Variants in TAS2R4 observed in about 807,000 individuals in gnomAD.
The protein encoded by TAS2R4 is taste 2 receptor member 4, also known as taste receptor type 2 member 4.
Under a neutral mutation model 14.3 loss-of-function variants are expected in TAS2R4, and 18 were observed. That is an observed-to-expected ratio of 1.26 (90% CI 0.87 to 1.86). The LOEUF (loss-of-function observed/expected upper bound fraction) is 1.86, where lower values mean the gene tolerates loss of function less well. TAS2R4 is among the 40% of genes most tolerant of loss of function. TAS2R4 has a pLI of 0.00. For synonymous variants in TAS2R4, 130 were observed against 138.5 expected (o/e 0.94, Z 0.43); for missense variants, 306 against 342.7 (o/e 0.89, Z 0.85).
rs1235912134 is a variant in TAS2R4, at chr7:141,781,275, T to G, written c.*1887T>G. 6.6e-6 allele frequency among the ~76,000 whole-genome samples: 1 copy of G among 152,152 alleles called. No individual in the cohort carries two copies. The highest frequency in any genetic ancestry group is 1.9e-4 in the East Asian group (1 of 5,190). ...TGAATGCTTGGGATAGTGAAGTAAT[T>G]CTCCATCCTAGAGCTGGCTCCATGG... On this transcript the variant is annotated 3_prime_UTR_variant, in exon 1 of 1. Transcript: ENST00000247881.
Position 141,779,275 on chromosome 7 carries a change from T to A in TAS2R4, c.787T>A (p.Ser263Thr). The A allele has an allele frequency of 6.2e-7, 1 of 1,614,196 alleles. No homozygotes were observed. The highest frequency in any genetic ancestry group is 1.7e-5 in the Admixed American group (1 of 60,032). Residue 263 changes from serine to threonine, a missense_variant, in exon 1 of 1, where the codon TCC becomes ACC. Ser to Thr is a moderately conservative substitution (Grantham distance 58). Coordinates refer to ENST00000247881, the MANE Select transcript of TAS2R4 (RefSeq NM_016944.2). ...TGCAGGGATGGATATGGGGACCAAA[T>A]CCATTTGTCTGATTTTTGCCACCCT... ...FYAGMDMGTK[S>T]ICLIFATLYS...
chr7:141,779,282 G>T lies in TAS2R4; in HGVS notation c.794G>T (p.Cys265Phe). ...AGMDMGTKSI[C>F]LIFATLYSPG... ...ATGGATATGGGGACCAAATCCATTT[G>T]TCTGATTTTTGCCACCCTTTACTCT... Residue 265 changes from cysteine (C) to phenylalanine (F), a missense_variant, in exon 1 of 1, where the codon TGT becomes TTT. Cys to Phe is a radical substitution (Grantham distance 205). Coordinates refer to ENST00000247881, the MANE Select transcript of TAS2R4 (RefSeq NM_016944.2). 9 of 1,614,126 alleles carry T rather than the reference G, an allele frequency of 5.6e-6. No individual in the cohort carries two copies. The highest frequency in any genetic ancestry group is 7.6e-6 in the Non-Finnish European group (9 of 1,180,008).
chr7:141,779,551 T>G lies in TAS2R4; in HGVS notation c.*163T>G. On this transcript the variant is annotated 3_prime_UTR_variant, in exon 1 of 1. Transcript: ENST00000247881. Reference sequence around the variant, plus strand: ...TTCAGTTCATTCTGTAATTTTTTTTTTTTGGTATGTAAGTATTTTAAAATA... The same window carrying G: ...TTCAGTTCATTCTGTAATTTTTTTTGTTTGGTATGTAAGTATTTTAAAATA... The G allele has an allele frequency of 1.4e-6, 1 of 708,374 alleles. No individual in the cohort carries two copies. The highest frequency in any genetic ancestry group is 2.1e-6 in the Non-Finnish European group (1 of 466,192). 43.9% of individuals were successfully genotyped at this position (708,374 alleles called of 1,614,324 possible).
Position 141,779,250 on chromosome 7 carries a change from T to G in TAS2R4, c.762T>G (p.Tyr254Ter). Residue 254 changes from tyrosine (Y) to a stop codon, truncating the protein, a stop_gained, in exon 1 of 1, where the codon TAT (tyrosine) becomes TAG (stop). Coordinates refer to ENST00000247881, the MANE Select transcript of TAS2R4 (RefSeq NM_016944.2). LOFTEE classifies it high-confidence loss of function. ...VATLVQYLPFYAGMDMGTKSI... is the reference protein window; with the variant it reads ...VATLVQYLPF Reference sequence around the variant, plus strand: ...CCCTGGTCCAGTATCTCCCCTTTTATGCAGGGATGGATATGGGGACCAAAT... The same window carrying G: ...CCCTGGTCCAGTATCTCCCCTTTTAGGCAGGGATGGATATGGGGACCAAAT... The G allele has an allele frequency of 6.2e-7, 1 of 1,614,230 alleles. No homozygotes were observed. The highest frequency in any genetic ancestry group is 8.5e-7 in the Non-Finnish European group (1 of 1,180,040).
chr7:141,778,589 C>T lies in TAS2R4; in HGVS notation c.101C>T (p.Thr34Ile). ...TTTATTACAGTGGTCAATTGCAAAA[C>T]TTGGGTCAAAAGCCATAGAATCTCC... ...NLFITVVNCKTWVKSHRISSS... is the reference protein window; with the variant it reads ...NLFITVVNCKIWVKSHRISSS... Residue 34 changes from threonine (T) to isoleucine (I), a missense_variant, in exon 1 of 1, where the codon ACT becomes ATT. Transcript: ENST00000247881. 2 of 1,614,176 alleles carry T rather than the reference C, an allele frequency of 1.2e-6. No individual in the cohort carries two copies. Among genetic ancestry groups the T allele is most frequent in the Middle Eastern group, 3.3e-4 (2 of 6,062 alleles).
chr7:141,777,312 C>T lies in TAS2R4; in HGVS notation c.-1177C>T, dbSNP rs1456216909. On this transcript the variant is annotated 5_prime_UTR_variant, in exon 1 of 1. Transcript: ENST00000247881. ...TCTTAAAGGGCCTCATGAATGTATT[C>T]CCCTCTTCTGGACCTGATTATTATT... Among the ~76,000 whole-genome samples the T allele has an allele frequency of 1.3e-5, 2 of 152,134 alleles. No individual in the cohort carries two copies. The highest frequency in any genetic ancestry group is 4.8e-5 in the African/African-American group (2 of 41,442).
chr7:141,781,548 A>T lies in TAS2R4; in HGVS notation c.*2160A>T, dbSNP rs539234561. The stretch of plus-strand genomic sequence containing the variant: ...ATATGACCTACTAAGTGAAATTGAA[A>T]TAAAACCTGTACATGTGGTATAATA... On this transcript the variant is annotated 3_prime_UTR_variant, in exon 1 of 1. Transcript: ENST00000247881. Among the ~76,000 whole-genome samples, 1 of 151,346 alleles carries T rather than the reference A, an allele frequency of 6.6e-6. No homozygotes were observed. Among genetic ancestry groups the T allele is most frequent in the South Asian group, 2.1e-4 (1 of 4,768 alleles).
chr7:141,779,144 A>AT lies in TAS2R4; in HGVS notation c.657dup (p.Pro220SerfsTer67), dbSNP rs769404976. 6.2e-7 allele frequency: 1 copy of AT among 1,614,164 alleles called. No individual in the cohort carries two copies. Among genetic ancestry groups the AT allele is most frequent in the South Asian group, 1.1e-5 (1 of 91,080 alleles). ...CAGAAAAATGCCACTGGTTTCTGGA[A>AT]TCCCCAGACGGAAGCTCATGTAGGT... On this transcript the variant is annotated frameshift_variant, in exon 1 of 1. Coordinates refer to ENST00000247881, the MANE Select transcript of TAS2R4 (RefSeq NM_016944.2). LOFTEE classifies it high-confidence loss of function.
rs143483580 is a variant in TAS2R4, at chr7:141,779,153, C to T, written c.665C>T (p.Thr222Met). ...GCCACTGGTTTCTGGAATCCCCAGA[C>T]GGAAGCTCATGTAGGTGCTATGAAG... ...KNATGFWNPQ[T>M]EAHVGAMKLM... Residue 222 changes from threonine to methionine, a missense_variant, in exon 1 of 1, where the codon ACG (threonine) becomes ATG (methionine). Transcript: ENST00000247881. 1,806 of 1,614,162 alleles carry T rather than the reference C, an allele frequency of 1.1e-3. 3 individuals are homozygous for T. The highest frequency in any genetic ancestry group is 4.0e-3 in the African/African-American group (303 of 75,046).
At position 141,778,599 on chromosome 7, in the gene TAS2R4, A is replaced by C. The variant is rs752416233; in HGVS notation, c.111A>C (p.Lys37Asn). Residue 37 changes from lysine (K) to asparagine (N), a missense_variant, in exon 1 of 1, where the codon AAA becomes AAC. Transcript: ENST00000247881. ...ITVVNCKTWV[K>N]SHRISSSDRI... is the part of the protein sequence containing the mutation. ...TGGTCAATTGCAAAACTTGGGTCAA[A>C]AGCCATAGAATCTCCTCTTCTGATA... 13 of 1,614,216 alleles carry C rather than the reference A, an allele frequency of 8.1e-6. No homozygotes were observed. In the South Asian group the frequency reaches 1.3e-4, roughly 16 times the overall value.
At position 141,779,501 on chromosome 7, in the gene TAS2R4, A is replaced by G; in HGVS notation, c.*113A>G. The G allele has an allele frequency of 9.4e-7, 1 of 1,069,262 alleles. No individual in the cohort carries two copies. The highest frequency in any genetic ancestry group is 1.3e-6 in the Non-Finnish European group (1 of 780,058). 66.2% of individuals were successfully genotyped at this position (1,069,262 alleles called of 1,614,324 possible). A position where few individuals can be genotyped will look rare whatever the true frequency, so the allele number is the denominator to read the frequency against. The stretch of plus-strand genomic sequence containing the variant: ...TCAGTTTTGTGATTGCTGATCTGAC[A>G]TCATAGGCTTTTGAGTGCCTGAATT... On this transcript the variant is annotated 3_prime_UTR_variant, in exon 1 of 1. Coordinates refer to ENST00000247881, the MANE Select transcript of TAS2R4 (RefSeq NM_016944.2).
rs1488778164 is a variant in TAS2R4, at chr7:141,781,671, A to G, written c.*2283A>G. Among the ~76,000 whole-genome samples the G allele has an allele frequency of 6.6e-6, 1 of 152,124 alleles. No individual in the cohort carries two copies. The highest frequency in any genetic ancestry group is 1.5e-5 in the Non-Finnish European group (1 of 68,034). ...ATTATTTTAGGTGGGAGGAATCAATAAATTTTTTTGTGTATTTCAAGTTTT... is the reference window on the plus strand; with the variant it reads ...ATTATTTTAGGTGGGAGGAATCAATGAATTTTTTTGTGTATTTCAAGTTTT... On this transcript the variant is annotated 3_prime_UTR_variant, in exon 1 of 1. Coordinates refer to ENST00000247881, the MANE Select transcript of TAS2R4 (RefSeq NM_016944.2).
In TAS2R4 at chr7:141,780,933, G is replaced by C. The variant is rs1204622279; in HGVS notation, c.*1545G>C. On this transcript the variant is annotated 3_prime_UTR_variant, in exon 1 of 1. Coordinates refer to ENST00000247881, the MANE Select transcript of TAS2R4 (RefSeq NM_016944.2). The stretch of plus-strand genomic sequence containing the variant: ...AGGTATTCATCATGTTAAATCCTAA[G>C]AGAGATAAAAGGATTACTGAGAGTG... 1 of 151,494 alleles carries C rather than the reference G, an allele frequency of 6.6e-6. No individual in the cohort carries two copies. Among genetic ancestry groups the C allele is most frequent in the Non-Finnish European group, 1.5e-5 (1 of 67,942 alleles). 9.4% of individuals were successfully genotyped at this position (151,494 alleles called of 1,614,324 possible). A position where few individuals can be genotyped will look rare whatever the true frequency, so the allele number is the denominator to read the frequency against.
chr7:141,779,348 T>A lies in TAS2R4; in HGVS notation c.860T>A (p.Leu287Gln). ...SVLIIITHPK[L>Q]KTTAKKILCF... ...CTCATTATTATCACACATCCTAAAC[T>A]GAAAACAACAGCAAAGAAGATTCTT... is the stretch of plus-strand genomic sequence containing the variant. The change falls in exon 1 of 1, where the codon CTG becomes CAG. Residue 287 changes from leucine to glutamine, a missense_variant. Physicochemically the swap from Leu to Gln is moderately radical, Grantham distance 113 (BLOSUM62 -2). Coordinates refer to ENST00000247881, the MANE Select transcript of TAS2R4 (RefSeq NM_016944.2). The A allele has an allele frequency of 6.2e-7, 1 of 1,609,954 alleles. No homozygotes were observed. The highest frequency in any genetic ancestry group is 8.5e-7 in the Non-Finnish European group (1 of 1,177,578).
Position 141,778,845 on chromosome 7 carries a change from C to A in TAS2R4, c.357C>A (p.Leu119=). 6.2e-7 allele frequency: 1 copy of A among 1,614,214 alleles called. No individual in the cohort carries two copies. Among genetic ancestry groups the A allele is most frequent in the Non-Finnish European group, 8.5e-7 (1 of 1,180,038 alleles). Residue 119 remains leucine, a synonymous_variant, in exon 1 of 1, where the codon CTC becomes CTA. Coordinates refer to ENST00000247881, the MANE Select transcript of TAS2R4 (RefSeq NM_016944.2). ...KITNFQHSVF[L]LLKRNISPKI... is the part of the protein sequence containing the mutation. ...CTAACTTCCAACACTCAGTGTTTCT[C>A]CTGCTGAAGCGGAATATCTCCCCAA...
Position 141,779,465 on chromosome 7 carries a change from A to G in TAS2R4, c.*77A>G, listed in dbSNP as rs1222408057. Reference sequence around the variant, plus strand: ...TTTTCTGTTTGCAGTTTTCCCAGTGATCTGGGGAATTCAGTTTTGTGATTG... The same window carrying G: ...TTTTCTGTTTGCAGTTTTCCCAGTGGTCTGGGGAATTCAGTTTTGTGATTG... On this transcript the variant is annotated 3_prime_UTR_variant, in exon 1 of 1. Transcript: ENST00000247881. 7.3e-7 allele frequency: 1 copy of G among 1,376,012 alleles called. No individual in the cohort carries two copies. Among genetic ancestry groups the G allele is most frequent in the Non-Finnish European group, 9.7e-7 (1 of 1,026,734 alleles). The allele number at this position is 1,376,012 out of a possible 1,614,324, so 85.2% of individuals were successfully genotyped here. A position where few individuals can be genotyped will look rare whatever the true frequency, so the allele number is the denominator to read the frequency against.
rs1195100121 is a variant in TAS2R4 at position 141,780,795 on chromosome 7, T to G, written c.*1407T>G. On this transcript the variant is annotated 3_prime_UTR_variant, in exon 1 of 1. Transcript: ENST00000247881. ...TTATGTAATATTTACATATGTCAAA[T>G]AAATCTTAAAATTTTATAAATTACA... 3 of 152,206 alleles carry G rather than the reference T, an allele frequency of 2.0e-5. No individual in the cohort carries two copies. Among genetic ancestry groups the G allele is most frequent in the African/African-American group, 7.2e-5 (3 of 41,446 alleles). 9.4% of individuals were successfully genotyped at this position (152,206 alleles called of 1,614,324 possible).
At position 141,779,170 on chromosome 7, in the gene TAS2R4, G is replaced by T. The variant is rs1358548146; in HGVS notation, c.682G>T (p.Ala228Ser). ...TCCCCAGACGGAAGCTCATGTAGGT[G>T]CTATGAAGCTGATGGTCTATTTCCT... ...WNPQTEAHVG[A>S]MKLMVYFLIL... is the part of the protein sequence containing the mutation. The change falls in exon 1 of 1, where the codon GCT (alanine) becomes TCT (serine). Residue 228 changes from alanine to serine, a missense_variant. Coordinates refer to ENST00000247881, the MANE Select transcript of TAS2R4 (RefSeq NM_016944.2). 1 of 1,614,138 alleles carries T rather than the reference G, an allele frequency of 6.2e-7. No homozygotes were observed. The highest frequency in any genetic ancestry group is 1.1e-5 in the South Asian group (1 of 91,082).
rs1346909118 is a variant in TAS2R4, at chr7:141,781,139, TG to T, written c.*1753del. Among the ~76,000 whole-genome samples the T allele has an allele frequency of 6.6e-6, 1 of 152,216 alleles. No individual in the cohort carries two copies. The highest frequency in any genetic ancestry group is 1.5e-5 in the Non-Finnish European group (1 of 68,040). On this transcript the variant is annotated 3_prime_UTR_variant, in exon 1 of 1. Transcript: ENST00000247881. The stretch of plus-strand genomic sequence containing the variant: ...AGAAAAGATGTATATAATTTCTGGG[TG>T]GTACTTCGGAGCAGTCCTACCTTCC...
Sources: allele counts gnomAD v4.1 joint callset (sites outside exome capture counted in the v4.1 genomes callset), GRCh38; gene constraint gnomAD v4.1.1; transcripts MANE v1.5; gene names NCBI Gene and HGNC (gene_info 2026-07-23, HGNC 2026-07-21).